Variants in FAM227B observed in about 807,000 individuals in gnomAD.
FAM227B encodes the protein protein FAM227B.
In FAM227B, 88 loss-of-function variants were observed where a neutral mutation model predicts 73.8. The ratio of observed to expected loss-of-function variants is 1.19; its 90% confidence interval spans 1.00 to 1.42. The LOEUF (loss-of-function observed/expected upper bound fraction) is 1.42. Ranked by LOEUF, FAM227B falls within the 40% of genes most tolerant of loss-of-function variation. FAM227B has a pLI of 0.00. For missense variants in FAM227B, 632 were observed against 590.9 expected (o/e 1.07, Z -0.72); for synonymous variants, 210 against 190.5 (o/e 1.10, Z -0.84).
At chr15:49,559,002 G>C (rs1195430817) in intron 9 of FAM227B, among the ~76,000 whole-genome samples, 2 of 152,056 alleles carry the variant, frequency 1.3e-5, no homozygotes, top group African/African-American at 4.8e-5. Context: ...AAAACTGTCT[G>C]TATCAGGTTC....
At chr15:49,357,820 T>C (rs2043441771) in intron 13 of FAM227B, among the ~76,000 whole-genome samples, 1 of 152,060 alleles carries the variant, frequency 6.6e-6, no homozygotes, top group African/African-American at 2.4e-5. Flanking sequence ...TTGATGAACA[T>C]TGATGCAAAA....
At chr15:49,403,426 G>C (rs529701007) in intron 11 of FAM227B, among the ~76,000 whole-genome samples, 3 of 152,060 alleles carry the variant, frequency 2.0e-5, no homozygotes, top group Non-Finnish European at 4.4e-5. Context: ...ATTTATTATC[G>C]CCTTAATTTC....
chr15:49,366,653 G>T, intron 13 of FAM227B: 1 of 1,558,084 alleles, frequency 6.4e-7, no homozygotes, highest in South Asian at 1.1e-5. Flanking sequence ...CAGGGCGGCC[G>T]TGGCAGGGGA....
intron 13 of FAM227B, among the ~76,000 whole-genome samples, chr15:49,340,299 C>T (rs930394255): frequency 5.9e-5 from 9 of 152,178 alleles, no homozygotes; most frequent in Admixed American, 1.3e-4. Flanking sequence ...ATGGGAAAAG[C>T]GCAGTATCTG....
At chr15:49,443,894 A>C (rs930616909) in intron 11 of FAM227B, among the ~76,000 whole-genome samples, 3 of 149,754 alleles carry the variant, frequency 2.0e-5, no homozygotes, top group Middle Eastern at 3.4e-3. Flanking sequence ...CTATGTGTGC[A>C]TATATATGTA....
Position 49,484,510 on chromosome 15 carries a change from T to C in FAM227B, c.1012+23701A>G, listed in dbSNP as rs781259549. 5.6e-6 allele frequency: 8 copies of C among 1,437,624 alleles called. No individual in the cohort carries two copies. In the South Asian group the frequency reaches 1.0e-4, roughly 19 times the overall value. 89.1% of individuals were successfully genotyped at this position (1,437,624 alleles called of 1,614,324 possible). A position where few individuals can be genotyped will look rare whatever the true frequency, so the allele number is the denominator to read the frequency against. On this transcript the variant is annotated intron_variant, in intron 11 of 15. Transcript: ENST00000299338. ...TTCCTATGGCAATAACTTAATTGCA[T>C]ATGGTATATAAAGAACCAGTTCCAG...
chr15:49,613,124 G>C (rs2078058611), intron 2 of FAM227B, among the ~76,000 whole-genome samples: 1 of 152,176 alleles, frequency 6.6e-6, no homozygotes, highest in Admixed American at 6.5e-5. Flanking sequence ...GCCAAGACAG[G>C]AGGACTGCTT....
intron 8 of FAM227B, among the ~76,000 whole-genome samples, chr15:49,574,398 G>T (rs981563942): frequency 7.2e-5 from 11 of 152,090 alleles, no homozygotes; most frequent in Non-Finnish European, 7.3e-5. Flanking sequence ...TCATGGGAGT[G>T]GTTTCCCCCA....
chr15:49,550,114 C>T lies in FAM227B; in HGVS notation c.748-8308G>A, dbSNP rs1287041434. Among the ~76,000 whole-genome samples, 112 of 140,932 alleles carry T rather than the reference C, an allele frequency of 7.9e-4. 1 individual carries two copies. The highest frequency in any genetic ancestry group is 1.2e-3 in the Non-Finnish European group (79 of 63,704). 92.5% of individuals were successfully genotyped at this position (140,932 alleles called of 152,430 possible). On this transcript the variant is annotated intron_variant, in intron 9 of 15. Coordinates refer to ENST00000299338, the MANE Select transcript of FAM227B (RefSeq NM_152647.3). ...GGCGGCTGGCCGGGCAGGGGGCTGA[C>T]CCCCCCACCTCCCTCCCGGACGGGG...
intron 11 of FAM227B, among the ~76,000 whole-genome samples, chr15:49,435,892 G>A (rs1844482191): frequency 6.6e-6 from 1 of 151,438 alleles, no homozygotes; most frequent in Admixed American, 6.6e-5. Context: ...GTACAACTGG[G>A]AACATTTTTA....
At chr15:49,617,810 G>C (rs2078391814) in intron 1 of FAM227B, among the ~76,000 whole-genome samples, 1 of 151,206 alleles carries the variant, frequency 6.6e-6, no homozygotes, top group African/African-American at 2.4e-5. Context: ...GTGTGTGACA[G>C]AGTTTCACTC....
intron 8 of FAM227B, among the ~76,000 whole-genome samples, chr15:49,574,467 A>T (rs1329688740): frequency 6.6e-6 from 1 of 152,140 alleles, no homozygotes; most frequent in Non-Finnish European, 1.5e-5. Flanking sequence ...AAAGTGTGGC[A>T]CTTGCCCTTC....
intron 11 of FAM227B, among the ~76,000 whole-genome samples, chr15:49,466,788 C>G (rs2054303436): frequency 1.3e-5 from 2 of 152,012 alleles, no homozygotes; most frequent in South Asian, 4.2e-4. Flanking sequence ...GGTCTTTAAC[C>G]CTTTTTAAAT....
intron 3 of FAM227B, among the ~76,000 whole-genome samples, chr15:49,608,074 G>C (rs1388179588): frequency 6.6e-6 from 1 of 152,118 alleles, no homozygotes; most frequent in African/African-American, 2.4e-5. Flanking sequence ...ACTACTACTA[G>C]AGTATGAGCA....
At chr15:49,518,066 G>T (rs1477297973) in intron 10 of FAM227B, among the ~76,000 whole-genome samples, 1 of 152,066 alleles carries the variant, frequency 6.6e-6, no homozygotes. Flanking sequence ...TTTCTGTCTT[G>T]ATGATTATAG....
intron 9 of FAM227B, among the ~76,000 whole-genome samples, chr15:49,554,298 C>T (rs549093066): frequency 6.6e-6 from 1 of 152,172 alleles, no homozygotes; most frequent in East Asian, 1.9e-4. Context: ...CCTTGGCTGC[C>T]CCTACTGATG....
intron 3 of FAM227B, among the ~76,000 whole-genome samples, chr15:49,594,940 G>GT (rs754102029): frequency 6.6e-6 from 1 of 151,988 alleles, no homozygotes; most frequent in Non-Finnish European, 1.5e-5. Flanking sequence ...TTTTAGGACT[G>GT]TTTTTTCTAG....
intron 11 of FAM227B, among the ~76,000 whole-genome samples, chr15:49,437,923 TC>T (rs1046725382): frequency 4.0e-5 from 6 of 151,542 alleles, no homozygotes; most frequent in African/African-American, 1.5e-4. Context: ...AGGGCAATAC[TC>T]TCAAAAAACA....
intron 13 of FAM227B, among the ~76,000 whole-genome samples, chr15:49,346,989 T>TTATAA (rs1326416171): frequency 6.6e-6 from 1 of 152,212 alleles, no homozygotes; most frequent in African/African-American, 2.4e-5. Flanking sequence ...TTTTAAAAGG[T>TTATAA]TATAAGCACA....
Sources: gnomAD v4.1 joint callset for allele counts (sites outside exome capture counted in the v4.1 genomes callset) on GRCh38, gnomAD v4.1.1 for gene constraint, MANE v1.5 for transcripts, NCBI Gene and HGNC (gene_info 2026-07-23, HGNC 2026-07-21) for gene names.